The following SESTD1 variants were observed in gnomAD, a reference collection of about 807,000 sequenced individuals.
SESTD1 encodes SEC14 and spectrin domain containing 1.
Under a neutral mutation model 101.7 loss-of-function variants are expected in SESTD1, and 43 were observed. That is an observed-to-expected ratio of 0.42 (90% CI 0.33 to 0.55). SESTD1 has a LOEUF of 0.55. Ranked by LOEUF, SESTD1 falls within the 20% of genes least tolerant of loss-of-function variation. The probability of loss-of-function intolerance (pLI) is 0.07; values close to 1 mark genes in which losing one functional copy is unlikely to be tolerated. For synonymous variants in SESTD1, 283 were observed against 286.8 expected, an observed-to-expected ratio of 0.99 and a Z score of 0.13; for missense variants, 647 against 815.1, an observed-to-expected ratio of 0.79 and a Z score of 2.51.
At position 179,149,204 on chromosome 2, in the gene SESTD1, T is replaced by C. The variant is rs922379446; in HGVS notation, c.581+93A>G. 28 of 821,156 alleles carry C rather than the reference T, an allele frequency of 3.4e-5. No homozygotes were observed. The Middle Eastern group carries it at 6.7e-4, about 20-fold the overall frequency. The allele number at this position is 821,156 out of a possible 1,614,324, so 50.9% of individuals were successfully genotyped here. A position where few individuals can be genotyped will look rare whatever the true frequency, so the allele number is the denominator to read the frequency against. On this transcript the variant is annotated intron_variant, in intron 7 of 17. Coordinates refer to ENST00000428443, the MANE Select transcript of SESTD1 (RefSeq NM_178123.5). ...GATTGAATGAAGACTTTGTTTACTG[T>C]AGTTCTTTTAGCTTGCATTAACAAT...
At chr2:179,127,251 C>A (rs893902533) in intron 10 of SESTD1, among the ~76,000 whole-genome samples, 1 of 152,114 alleles carries the variant, frequency 6.6e-6, no homozygotes, top group Non-Finnish European at 1.5e-5. Flanking sequence ...TCTGAATTGC[C>A]CTTTGTTTGG....
chr2:179,207,256 C>T lies in SESTD1; in HGVS notation c.-25-15390G>A, dbSNP rs1455098296. Among the ~76,000 whole-genome samples, 3 of 134,952 alleles carry T rather than the reference C, an allele frequency of 2.2e-5. 1 individual carries two copies. The highest frequency in any genetic ancestry group is 4.0e-4 in the East Asian group (2 of 5,014). The allele number at this position is 134,952 out of a possible 152,430, so 88.5% of individuals were successfully genotyped here. On this transcript the variant is annotated intron_variant, in intron 1 of 17. Coordinates refer to ENST00000428443, the MANE Select transcript of SESTD1 (RefSeq NM_178123.5). ...GCAGCTGGCACTCTCTTGAAAGTGC[C>T]ACCTCCTGGCTGGACGCCAACCAAG...
intron 9 of SESTD1, among the ~76,000 whole-genome samples, chr2:179,134,580 C>T (rs1476355301): frequency 6.6e-6 from 1 of 152,168 alleles, no homozygotes; most frequent in Non-Finnish European, 1.5e-5. Flanking sequence ...ATGACTAACA[C>T]ATATATAGCA....
chr2:179,235,661 T>G (rs959151089), intron 1 of SESTD1, among the ~76,000 whole-genome samples: 1 of 152,196 alleles, frequency 6.6e-6, no homozygotes, highest in East Asian at 1.9e-4. Context: ...CATATTACCT[T>G]GGAAACATTT....
At chr2:179,116,484 G>A (rs920841650) in intron 15 of SESTD1, 184 bp downstream of exon 15, 15 of 844,214 alleles carry the variant, frequency 1.8e-5, no homozygotes, top group Non-Finnish European at 2.3e-5. Context: ...TCAGGGAAAC[G>A]TAAACCCTCT....
chr2:179,116,351 G>A (rs566516972), intron 15 of SESTD1, among the ~76,000 whole-genome samples: 2 of 151,974 alleles, frequency 1.3e-5, no homozygotes, highest in Admixed American at 1.3e-4. Flanking sequence ...TGCAGAAAGT[G>A]AGGTTTCTTA....
At chr2:179,120,933 A>G (rs2044735794) in intron 13 of SESTD1, among the ~76,000 whole-genome samples, 1 of 152,164 alleles carries the variant, frequency 6.6e-6, no homozygotes, top group South Asian at 2.1e-4. Flanking sequence ...GAACCAGAGT[A>G]GAGAATGGGA....
intron 3 of SESTD1, 129 bp from the exon 4 acceptor site, chr2:179,176,667 T>C (rs547224823): frequency 3.7e-6 from 2 of 547,722 alleles, no homozygotes; most frequent in African/African-American, 1.9e-5. Flanking sequence ...TTAGTTTACA[T>C]TGTCAATAAA....
In SESTD1 at chr2:179,106,094, G is replaced by A. The variant is rs2044376258; in HGVS notation, c.*3805C>T. On this transcript the variant is annotated 3_prime_UTR_variant, in exon 18 of 18. Transcript: ENST00000428443. ...TTTTAGGACTGAACGTTAACAATAA[G>A]TCTACTAATTAGGTTAACTGCTTAG... The A allele has an allele frequency of 6.6e-6, 1 of 152,094 alleles. No individual in the cohort carries two copies. The highest frequency in any genetic ancestry group is 2.4e-5 in the African/African-American group (1 of 41,384). The allele number at this position is 152,094 out of a possible 1,614,324, so 9.4% of individuals were successfully genotyped here. A position where few individuals can be genotyped will look rare whatever the true frequency, so the allele number is the denominator to read the frequency against.
intron 1 of SESTD1, among the ~76,000 whole-genome samples, chr2:179,213,328 T>C (rs141112512): frequency 0.012 from 1,609 of 134,520 alleles, 410 homozygotes; most frequent in African/African-American, 0.044. Flanking sequence ...CTGAAAACCA[T>C]GGCACAAGAA....
intron 8 of SESTD1, among the ~76,000 whole-genome samples, chr2:179,146,043 C>G (rs1453098342): frequency 6.8e-6 from 1 of 147,244 alleles, no homozygotes. Context: ...AGGAGGTGAG[C>G]GGCAGGCCAG....
Position 179,104,738 on chromosome 2 carries a change from A to G in SESTD1, c.*5161T>C, listed in dbSNP as rs1333687684. On this transcript the variant is annotated 3_prime_UTR_variant, in exon 18 of 18. Coordinates refer to ENST00000428443, the MANE Select transcript of SESTD1 (RefSeq NM_178123.5). Reference sequence around the variant, plus strand: ...AGTTGATAACTACTTTCAGTTAAGAATTCCTATAAAATTACATATAGGAAT... The same window carrying G: ...AGTTGATAACTACTTTCAGTTAAGAGTTCCTATAAAATTACATATAGGAAT... The G allele has an allele frequency of 6.6e-6, 1 of 152,116 alleles. No individual in the cohort carries two copies. The highest frequency in any genetic ancestry group is 1.5e-5 in the Non-Finnish European group (1 of 68,022). 9.4% of individuals were successfully genotyped at this position (152,116 alleles called of 1,614,324 possible).
chr2:179,218,985 T>C (rs2046765669), intron 1 of SESTD1, among the ~76,000 whole-genome samples: 1 of 152,146 alleles, frequency 6.6e-6, no homozygotes, highest in Non-Finnish European at 1.5e-5. Flanking sequence ...AATCCTAACA[T>C]TGTCACAACT....
Position 179,172,237 on chromosome 2 carries a change from T to C in SESTD1, c.256-4A>G, listed in dbSNP as rs1384294509. On this transcript the variant is annotated splice_polypyrimidine_tract_variant and splice_region_variant and intron_variant, in intron 4 of 17. Transcript: ENST00000428443. ...ACACCTCAGCTGGAACAACATTCTA[T>C]AAAATACAGAAAAATAATTACAAAT... The C allele has an allele frequency of 6.4e-7, 1 of 1,553,816 alleles. No homozygotes were observed. Among genetic ancestry groups the C allele is most frequent in the South Asian group, 1.2e-5 (1 of 84,118 alleles).
intron 10 of SESTD1, among the ~76,000 whole-genome samples, chr2:179,127,553 T>A (rs2044903575): frequency 6.6e-6 from 1 of 152,210 alleles, no homozygotes; most frequent in Non-Finnish European, 1.5e-5. Context: ...TGGCAGTGTC[T>A]GGAAACATTT....
rs760967567 is a variant in SESTD1, at chr2:179,206,104, C to T, written c.-25-14238G>A. 1.7e-3 allele frequency among the ~76,000 whole-genome samples: 233 copies of T among 135,008 alleles called. 46 individuals carry two copies. The Middle Eastern group carries it at 0.03, about 17-fold the overall frequency. 88.6% of individuals were successfully genotyped at this position (135,008 alleles called of 152,430 possible). On this transcript the variant is annotated intron_variant, in intron 1 of 17. Transcript: ENST00000428443. ...ACAACCAACACCACCACCACCTCCA[C>T]AATAAAATGTTAAATAACATGAAGG...
chr2:179,148,857 G>A (rs1423669943), intron 7 of SESTD1, among the ~76,000 whole-genome samples: 1 of 151,858 alleles, frequency 6.6e-6, no homozygotes, highest in East Asian at 1.9e-4. Flanking sequence ...TCAGGAGATC[G>A]AGACCATTCT....
At position 179,108,809 on chromosome 2, in the gene SESTD1, A is replaced by G. The variant is rs1384161411; in HGVS notation, c.*1090T>C. 1 of 152,134 alleles carries G rather than the reference A, an allele frequency of 6.6e-6. No homozygotes were observed. Among genetic ancestry groups the G allele is most frequent in the Non-Finnish European group, 1.5e-5 (1 of 68,010 alleles). The allele number at this position is 152,134 out of a possible 1,614,324, so 9.4% of individuals were successfully genotyped here. A position where few individuals can be genotyped will look rare whatever the true frequency, so the allele number is the denominator to read the frequency against. ...ACAAACTTAAAAGAACTAGCATTTC[A>G]TGATAAATTTTATTTCTAAAGGGGT... On this transcript the variant is annotated 3_prime_UTR_variant, in exon 18 of 18. Transcript: ENST00000428443.
In SESTD1 at chr2:179,104,204, CTA is replaced by C. The variant is rs988847759; in HGVS notation, c.*5693_*5694del. 21 of 152,228 alleles carry C rather than the reference CTA, an allele frequency of 1.4e-4. No homozygotes were observed. Among genetic ancestry groups the C allele is most frequent in the African/African-American group, 5.1e-4 (21 of 41,548 alleles). The allele number at this position is 152,228 out of a possible 1,614,324, so 9.4% of individuals were successfully genotyped here. On this transcript the variant is annotated 3_prime_UTR_variant, in exon 18 of 18. Coordinates refer to ENST00000428443, the MANE Select transcript of SESTD1 (RefSeq NM_178123.5). Reference sequence around the variant, plus strand: ...AAGTTTCTCTTAAAGGCTTCTGAGACTATTCGTAAGTGTGATGTGAGCAATCA... The same window carrying C: ...AAGTTTCTCTTAAAGGCTTCTGAGACTTCGTAAGTGTGATGTGAGCAATCA...
Sources: gnomAD v4.1 joint callset for allele counts (sites outside exome capture counted in the v4.1 genomes callset) on GRCh38, gnomAD v4.1.1 for gene constraint, MANE v1.5 for transcripts, NCBI Gene and HGNC (gene_info 2026-07-23, HGNC 2026-07-21) for gene names.